The following KLF12 variants were observed in gnomAD, a reference collection of about 807,000 sequenced individuals.
KLF12 encodes KLF transcription factor 12.
KLF12 carries 9 observed loss-of-function variants against 37.8 expected under a neutral mutation model. The observed-to-expected ratio is 0.24, with a 90% CI of 0.14 to 0.42. KLF12 has a LOEUF of 0.42. Among genes scored for constraint, KLF12 ranks in the 10% least tolerant of loss-of-function variants. KLF12 has a pLI of 1.00. For synonymous variants in KLF12, 208 were observed against 202.1 expected (o/e 1.03, Z -0.25); for missense variants, 411 against 516.0 (o/e 0.80, Z 1.97).
chr13:73,755,119 A>G (rs767070907), intron 6 of KLF12, among the ~76,000 whole-genome samples: 49 of 152,230 alleles, frequency 3.2e-4, no homozygotes, highest in Non-Finnish European at 6.5e-4. Context: ...TCAGATCTAA[A>G]GCGAAAAATA....
At chr13:73,916,613 G>C (rs1346820307) in intron 3 of KLF12, among the ~76,000 whole-genome samples, 3 of 152,160 alleles carry the variant, frequency 2.0e-5, no homozygotes, top group Non-Finnish European at 4.4e-5. Context: ...TTCTCTGCCT[G>C]TAAAACAGCA....
intron 1 of KLF12, among the ~76,000 whole-genome samples, chr13:74,083,491 GAGACACACACAC>G (rs1388673177): frequency 1.4e-4 from 16 of 117,554 alleles, no homozygotes; most frequent in African/African-American, 5.7e-4. Context: ...TGGGCGATAG[GAGACACACACAC>G]ACACACACAC....
chr13:74,076,527 G>T (rs1874572715), intron 1 of KLF12, among the ~76,000 whole-genome samples: 1 of 152,178 alleles, frequency 6.6e-6, no homozygotes, highest in Non-Finnish European at 1.5e-5. Context: ...GCTATGTGAA[G>T]CCTCTTTTAT....
intron 3 of KLF12, among the ~76,000 whole-genome samples, chr13:73,927,129 G>T (rs1002749826): frequency 6.6e-6 from 1 of 152,072 alleles, no homozygotes; most frequent in African/African-American, 2.4e-5. Context: ...TTATCTAAAT[G>T]AACTCTAGAA....
the KLF12 span, among the ~76,000 whole-genome samples, chr13:74,161,699 CCTCAATTT>C: frequency 6.6e-5 from 10 of 152,164 alleles, no homozygotes; most frequent in South Asian, 1.2e-3. Context: ...AACCCATAGT[CCTCAATTT>C]CAGACCCAGC....
intron 1 of KLF12, among the ~76,000 whole-genome samples, chr13:74,079,341 T>A (rs1291328540): frequency 6.6e-6 from 1 of 152,194 alleles, no homozygotes; most frequent in South Asian, 2.1e-4. Flanking sequence ...TACTTGATGC[T>A]AGTGAATTGT....
intron 3 of KLF12, among the ~76,000 whole-genome samples, chr13:73,898,525 A>G (rs1013068232): frequency 1.3e-5 from 2 of 152,104 alleles, no homozygotes; most frequent in African/African-American, 4.8e-5. Flanking sequence ...TCCTACTTAC[A>G]ACCTTCATCC....
chr13:74,216,733 T>C, the KLF12 span, among the ~76,000 whole-genome samples: 1 of 151,972 alleles, frequency 6.6e-6, no homozygotes, highest in Admixed American at 6.6e-5. Context: ...TTAAATCAAC[T>C]AGGACTGTTT....
At chr13:74,291,167 A>T in the KLF12 span, among the ~76,000 whole-genome samples, 1 of 152,198 alleles carries the variant, frequency 6.6e-6, no homozygotes, top group African/African-American at 2.4e-5. Flanking sequence ...TAAATCAGTT[A>T]GGGTTTTGTG....
intron 4 of KLF12, among the ~76,000 whole-genome samples, chr13:73,833,457 G>C (rs1336385797): frequency 6.6e-6 from 1 of 152,104 alleles, no homozygotes; most frequent in Non-Finnish European, 1.5e-5. Flanking sequence ...AACACCAGGC[G>C]ACTACAGATT....
At chr13:74,133,676 C>CAA (rs60415171) in intron 1 of KLF12, among the ~76,000 whole-genome samples, 14 of 132,392 alleles carry the variant, frequency 1.1e-4, no homozygotes, top group African/African-American at 4.1e-4. Context: ...TTTGGGATGG[C>CAA]AAAAAAAAAA....
At chr13:73,724,471 T>C (rs1051870823) in intron 6 of KLF12, among the ~76,000 whole-genome samples, 1 of 152,196 alleles carries the variant, frequency 6.6e-6, no homozygotes. Context: ...AACTCATTGG[T>C]AGTTTTCCAC....
the KLF12 span, among the ~76,000 whole-genome samples, chr13:74,289,479 C>T: frequency 6.6e-6 from 1 of 152,172 alleles, no homozygotes; most frequent in Non-Finnish European, 1.5e-5. Flanking sequence ...TTGTTTCTTA[C>T]CTGAAATACA....
chr13:74,100,469 T>C (rs997427083), intron 1 of KLF12, among the ~76,000 whole-genome samples: 2 of 151,898 alleles, frequency 1.3e-5, no homozygotes, highest in African/African-American at 4.8e-5. Flanking sequence ...AATACAAAAA[T>C]CAGCTAGGTG....
chr13:74,238,372 G>T, the KLF12 span, among the ~76,000 whole-genome samples: 1 of 135,292 alleles, frequency 7.4e-6, no homozygotes, highest in East Asian at 2.0e-4. Flanking sequence ...TTGCATCAAT[G>T]TTCATCAAGG....
At chr13:74,196,318 C>T in the KLF12 span, among the ~76,000 whole-genome samples, 1 of 152,084 alleles carries the variant, frequency 6.6e-6, no homozygotes, top group Non-Finnish European at 1.5e-5. Context: ...ATGGGGAGCA[C>T]CAGCAGGAGA....
chr13:73,990,385 C>CAA (rs111494196), intron 2 of KLF12, among the ~76,000 whole-genome samples: 32 of 151,354 alleles, frequency 2.1e-4, no homozygotes, highest in Non-Finnish European at 4.1e-4. Context: ...GCATCCTGGA[C>CAA]AAAAAAAACA....
intron 4 of KLF12, among the ~76,000 whole-genome samples, chr13:73,814,882 A>G (rs993261758): frequency 3.3e-5 from 5 of 152,136 alleles, no homozygotes; most frequent in Non-Finnish European, 7.4e-5. Flanking sequence ...AAATGGCAGA[A>G]GTACCCAGGT....
chr13:74,234,766 AG>A, the KLF12 span, among the ~76,000 whole-genome samples: 7 of 151,312 alleles, frequency 4.6e-5, no homozygotes, highest in Admixed American at 4.6e-4. Flanking sequence ...AAAGCTTCGG[AG>A]ATCTCTTTCC....
Sources: gnomAD v4.1 joint callset for allele counts (sites outside exome capture counted in the v4.1 genomes callset) on GRCh38, gnomAD v4.1.1 for gene constraint, MANE v1.5 for transcripts, NCBI Gene and HGNC (gene_info 2026-07-23, HGNC 2026-07-21) for gene names.